SOX6: variants seen among roughly 807,000 people sequenced by gnomAD.
SOX6 encodes SRY-box transcription factor 6.
In SOX6, 11 loss-of-function variants were observed where a neutral mutation model predicts 97.8. The ratio of observed to expected loss-of-function variants is 0.11; its 90% CI spans 0.07 to 0.19. SOX6 has a LOEUF of 0.19. Ranked by LOEUF, SOX6 falls within the 10% of genes least tolerant of loss-of-function variation. The pLI, the probability that SOX6 is intolerant of heterozygous loss-of-function variation, is 1.00. For synonymous variants in SOX6, 360 were observed against 371.4 expected (o/e 0.97, Z 0.35); for missense variants, 810 against 1,039.5 (o/e 0.78, Z 3.04).
At chr11:15,986,598 G>T (rs972681920) in intron 14 of SOX6, among the ~76,000 whole-genome samples, 178 bp from the exon 15 acceptor site, 2 of 152,078 alleles carry the variant, frequency 1.3e-5, no homozygotes, top group African/African-American at 4.8e-5. Context: ...ACAATTTTGC[G>T]TATGATACTT....
intron 4 of SOX6, among the ~76,000 whole-genome samples, chr11:16,187,869 G>A (rs1851525431): frequency 1.3e-5 from 2 of 152,102 alleles, no homozygotes; most frequent in Non-Finnish European, 2.9e-5. Context: ...TCAACCCACT[G>A]TATCTGAACC....
chr11:16,202,047 C>T (rs1218240079), intron 4 of SOX6, among the ~76,000 whole-genome samples: 3 of 152,008 alleles, frequency 2.0e-5, no homozygotes, highest in African/African-American at 4.8e-5. Flanking sequence ...CGATTTTTCC[C>T]ATTTTAGAAG....
chr11:16,498,033 A>T (rs1025337870), intron 4 of SOX6, among the ~76,000 whole-genome samples: 1 of 152,218 alleles, frequency 6.6e-6, no homozygotes, highest in Non-Finnish European at 1.5e-5. Context: ...ACCAAAGTTG[A>T]AATGAAGGAA....
chr11:16,169,598 ACAAACTAAGAGAAT>A (rs1211493892), intron 6 of SOX6, among the ~76,000 whole-genome samples: 1 of 152,130 alleles, frequency 6.6e-6, no homozygotes, highest in African/African-American at 2.4e-5. Context: ...AGAAATTGAA[ACAAACTAAGAGAAT>A]CATAGCCAAA....
At chr11:16,496,035 G>C (rs562530070) in intron 4 of SOX6, among the ~76,000 whole-genome samples, 2 of 152,290 alleles carry the variant, frequency 1.3e-5, no homozygotes, top group South Asian at 4.1e-4. Flanking sequence ...CAGGATCAAA[G>C]CCAAAGTGCT....
At chr11:16,721,018 A>G (rs1215536667) in intron 2 of SOX6, among the ~76,000 whole-genome samples, 1 of 152,158 alleles carries the variant, frequency 6.6e-6, no homozygotes, top group African/African-American at 2.4e-5. Flanking sequence ...TGTAGCACCA[A>G]TTGGCCAACT....
chr11:16,132,329 AGG>A (rs1849779191), intron 6 of SOX6, among the ~76,000 whole-genome samples: 5 of 105,950 alleles, frequency 4.7e-5, no homozygotes, highest in Non-Finnish European at 6.0e-5. Flanking sequence ...GAAGGAAGGA[AGG>A]AAAGAAAAAA....
At chr11:16,089,005 T>C (rs1848628687) in intron 9 of SOX6, among the ~76,000 whole-genome samples, 1 of 152,186 alleles carries the variant, frequency 6.6e-6, no homozygotes, top group Non-Finnish European at 1.5e-5. Context: ...TCTAGGTTAA[T>C]ATAGACATTG....
At chr11:16,150,430 C>T (rs1850430423) in intron 6 of SOX6, among the ~76,000 whole-genome samples, 1 of 152,172 alleles carries the variant, frequency 6.6e-6, no homozygotes, top group Non-Finnish European at 1.5e-5. Context: ...AACACTTCTA[C>T]ATCTTTCTCT....
rs71044096 is a variant in SOX6 at position 16,302,566 on chromosome 11, C to CTTT, written c.445+15877_445+15879dup. ...CTACAGCATTTTTTTTTCTTTTTTT[C>CTTT]TTTTTTTTTTTTTTTTTTTTTTGAG... On this transcript the variant is annotated intron_variant, in intron 3 of 15. Coordinates refer to ENST00000683767, the MANE Select transcript of SOX6 (RefSeq NM_001367873.1). 9.5e-3 allele frequency among the ~76,000 whole-genome samples: 823 copies of CTTT among 86,996 alleles called. 3 individuals are homozygous for CTTT. Among genetic ancestry groups the CTTT allele is most frequent in the Non-Finnish European group, 0.011 (531 of 47,298 alleles). The allele number at this position is 86,996 out of a possible 152,430, so 57.1% of individuals were successfully genotyped here. A position where few individuals can be genotyped will look rare whatever the true frequency, so the allele number is the denominator to read the frequency against.
intron 4 of SOX6, among the ~76,000 whole-genome samples, chr11:16,593,445 C>G (rs933827377): frequency 1.3e-5 from 2 of 151,956 alleles, no homozygotes; most frequent in Admixed American, 6.6e-5. Context: ...CTTTGGCCTT[C>G]ATCACCTTTA....
chr11:16,664,500 C>T (rs375660200), intron 3 of SOX6, among the ~76,000 whole-genome samples: 1 of 152,300 alleles, frequency 6.6e-6, no homozygotes, highest in East Asian at 1.9e-4. Context: ...GCATTTAGAC[C>T]AGAACTAGCC....
At chr11:16,510,992 G>C (rs373076358) in intron 4 of SOX6, among the ~76,000 whole-genome samples, 3 of 151,900 alleles carry the variant, frequency 2.0e-5, no homozygotes, top group East Asian at 1.9e-4. Context: ...AAAAAAATCA[G>C]CTTGCAATTT....
chr11:16,541,303 C>T (rs1166042338), intron 4 of SOX6, among the ~76,000 whole-genome samples: 4 of 152,148 alleles, frequency 2.6e-5, no homozygotes, highest in Non-Finnish European at 5.9e-5. Context: ...CTTCCTTACA[C>T]CTTATACAAA....
chr11:16,189,301 T>G (rs770739339), intron 4 of SOX6, among the ~76,000 whole-genome samples: 1 of 151,964 alleles, frequency 6.6e-6, no homozygotes, highest in Admixed American at 6.6e-5. Context: ...CCAGAAAACG[T>G]GAAATTGCAA....
At position 16,462,475 on chromosome 11, in the gene SOX6, C is replaced by A. The variant is rs146453707; in HGVS notation, c.-5+13840G>T. On this transcript the variant is annotated intron_variant, in intron 1 of 15. Transcript: ENST00000396356. ...ATCACATCCACAAAGTGTTTACTCT[C>A]ATCATGCTTACGTTTCCTCCTTTCC... Among the ~76,000 whole-genome samples the A allele has an allele frequency of 4.1e-4, 62 of 152,322 alleles. No homozygotes were observed. The East Asian group carries it at 5.8e-3, about 14-fold the overall frequency.
Position 16,313,811 on chromosome 11 carries a change from G to A in SOX6, c.445+4635C>T, listed in dbSNP as rs932649186. On this transcript the variant is annotated intron_variant, in intron 3 of 15. Coordinates refer to ENST00000683767, the MANE Select transcript of SOX6 (RefSeq NM_001367873.1). ...TTTTTTTTTTTAATTGTATTACCAC[G>A]TTCCTATTTGCCCAGAGTTTAAAAA... 7 of 142,314 alleles carry A rather than the reference G, an allele frequency of 4.9e-5. 1 individual carries two copies. Among genetic ancestry groups the A allele is most frequent in the Admixed American group, 2.8e-4 (4 of 14,098 alleles). The allele number at this position is 142,314 out of a possible 1,614,324, so 8.8% of individuals were successfully genotyped here. A position where few individuals can be genotyped will look rare whatever the true frequency, so the allele number is the denominator to read the frequency against.
intron 3 of SOX6, among the ~76,000 whole-genome samples, chr11:16,684,581 C>CGGGGGGGG (rs1847954038): frequency 2.1e-5 from 1 of 47,960 alleles, no homozygotes; most frequent in Non-Finnish European, 3.9e-5. Flanking sequence ...GGCCTATTGG[C>CGGGGGGGG]GGGGTGGGGG....
At chr11:16,182,908 T>C (rs558909141) in intron 6 of SOX6, among the ~76,000 whole-genome samples, 1 of 151,890 alleles carries the variant, frequency 6.6e-6, no homozygotes, top group Non-Finnish European at 1.5e-5. Flanking sequence ...CTACTGATTT[T>C]TTTTTTAAAA....
Sources: allele counts gnomAD v4.1 joint callset (sites outside exome capture counted in the v4.1 genomes callset), GRCh38; gene constraint gnomAD v4.1.1; transcripts MANE v1.5; gene names NCBI Gene and HGNC (gene_info 2026-07-23, HGNC 2026-07-21).